The following SUPT3H variants were observed in gnomAD, a reference collection of about 807,000 sequenced individuals.
SUPT3H encodes the protein SPT3 homolog, SAGA and STAGA complex component.
In SUPT3H, 44 loss-of-function variants were observed where a neutral mutation model predicts 44.3. The ratio of observed to expected loss-of-function variants is 0.99; its 90% CI spans 0.78 to 1.28. The LOEUF (loss-of-function observed/expected upper bound fraction) is 1.28. SUPT3H is among the 50% of genes most tolerant of loss of function. The probability of loss-of-function intolerance (pLI) is 0.00; values close to 1 mark genes in which losing one functional copy is unlikely to be tolerated. For synonymous variants in SUPT3H, 124 were observed against 125.6 expected, an observed-to-expected ratio of 0.99 and a Z score of 0.09; for missense variants, 380 against 387.1, an observed-to-expected ratio of 0.98 and a Z score of 0.15.
chr6:45,284,587 T>C (rs1350534927), intron 2 of SUPT3H, among the ~76,000 whole-genome samples: 1 of 152,048 alleles, frequency 6.6e-6, no homozygotes, highest in Non-Finnish European at 1.5e-5. Flanking sequence ...GGCTCTGAAA[T>C]AGAGGCAATA....
chr6:45,003,876 T>C, intron 5 of SUPT3H, 84 bp from the exon 6 acceptor site: 5 of 1,405,790 alleles, frequency 3.6e-6, no homozygotes, highest in Non-Finnish European at 3.8e-6. Flanking sequence ...TTAAATATAG[T>C]ATACCAAATT....
chr6:44,932,812 A>T (rs758115784), intron 9 of SUPT3H, 49 bp from the exon 10 acceptor site: 1 of 1,250,780 alleles, frequency 8.0e-7, no homozygotes, highest in Non-Finnish European at 1.1e-6. Flanking sequence ...AACACGCAAC[A>T]GAACTACAGT....
At chr6:45,205,956 A>G (rs1483949484) in intron 2 of SUPT3H, among the ~76,000 whole-genome samples, 1 of 152,170 alleles carries the variant, frequency 6.6e-6, no homozygotes, top group African/African-American at 2.4e-5. Context: ...TTAAAATTCA[A>G]CAATTATGAG....
chr6:45,181,410 T>C (rs1331994468), intron 2 of SUPT3H, among the ~76,000 whole-genome samples: 1 of 151,982 alleles, frequency 6.6e-6, no homozygotes. Context: ...TAAAGACACA[T>C]GCACACATAT....
At chr6:45,343,494 C>G (rs2150145615) in intron 2 of SUPT3H, among the ~76,000 whole-genome samples, 2 of 152,248 alleles carry the variant, frequency 1.3e-5, no homozygotes, top group South Asian at 4.1e-4. Flanking sequence ...CTTTTCAAAC[C>G]TGAATAGAAT....
At chr6:45,200,592 G>C (rs1318464568) in intron 2 of SUPT3H, among the ~76,000 whole-genome samples, 2 of 151,284 alleles carry the variant, frequency 1.3e-5, no homozygotes, top group African/African-American at 2.4e-5. Context: ...TTACATTTTT[G>C]AACCTTCTTA....
rs540233793 is a variant in SUPT3H at position 45,283,736 on chromosome 6, A to C, written c.101+81465T>G. Among the ~76,000 whole-genome samples the C allele has an allele frequency of 2.4e-3, 359 of 151,622 alleles. 2 individuals carry two copies. Among genetic ancestry groups the C allele is most frequent in the Admixed American group, 4.7e-3 (72 of 15,162 alleles). On this transcript the variant is annotated intron_variant, in intron 2 of 10. Coordinates refer to ENST00000371459, the MANE Select transcript of SUPT3H (RefSeq NM_003599.4). ...GAACTCAGCTTTTCACCAAACAGAC[A>C]TAATAGACATCTACAGAACTCTCCA...
intron 2 of SUPT3H, among the ~76,000 whole-genome samples, chr6:45,125,309 AATT>A (rs1285249896): frequency 1.3e-5 from 2 of 152,224 alleles, no homozygotes; most frequent in Non-Finnish European, 2.9e-5. Context: ...ATAAACCATG[AATT>A]ATAATTGTCA....
chr6:44,830,152 G>C (rs894682732), intron 10 of SUPT3H, among the ~76,000 whole-genome samples: 2 of 152,254 alleles, frequency 1.3e-5, no homozygotes, highest in South Asian at 4.1e-4. Context: ...GAGATGTATT[G>C]AATCTGTTTG....
At chr6:45,055,657 A>G (rs896880541) in intron 3 of SUPT3H, among the ~76,000 whole-genome samples, 1 of 152,182 alleles carries the variant, frequency 6.6e-6, no homozygotes, top group Admixed American at 6.5e-5. Context: ...CTCTTACCTT[A>G]TACAAAAATC....
chr6:45,282,369 A>C (rs1168142009), intron 2 of SUPT3H, among the ~76,000 whole-genome samples: 2 of 152,164 alleles, frequency 1.3e-5, no homozygotes, highest in Non-Finnish European at 2.9e-5. Flanking sequence ...AACTAGAATA[A>C]CCAATGCAGA....
intron 10 of SUPT3H, among the ~76,000 whole-genome samples, chr6:44,918,803 G>A (rs868291590): frequency 2.6e-5 from 4 of 152,152 alleles, no homozygotes; most frequent in Non-Finnish European, 5.9e-5. Flanking sequence ...TGGTGCTAAC[G>A]AAATCCACAG....
intron 2 of SUPT3H, among the ~76,000 whole-genome samples, chr6:45,352,031 C>G (rs1792162147): frequency 1.3e-5 from 2 of 152,160 alleles, no homozygotes; most frequent in Admixed American, 1.3e-4. Flanking sequence ...CAAATCTTTG[C>G]CATCCCAACC....
chr6:45,165,633 T>A (rs796450025), intron 2 of SUPT3H, among the ~76,000 whole-genome samples: 2 of 152,054 alleles, frequency 1.3e-5, no homozygotes, highest in South Asian at 2.1e-4. Flanking sequence ...GAAGAAGGAT[T>A]GCAAATGAGA....
intron 10 of SUPT3H, among the ~76,000 whole-genome samples, chr6:44,906,481 T>C (rs1766100011): frequency 6.6e-6 from 1 of 152,152 alleles, no homozygotes; most frequent in South Asian, 2.1e-4. Flanking sequence ...ACAAAAGCAG[T>C]GGCTGGGCGC....
intron 2 of SUPT3H, among the ~76,000 whole-genome samples, chr6:45,253,883 A>G (rs1440606616): frequency 7.0e-6 from 1 of 141,974 alleles, no homozygotes; most frequent in African/African-American, 2.6e-5. Flanking sequence ...ACACACACAC[A>G]GTACATATAT....
intron 9 of SUPT3H, among the ~76,000 whole-genome samples, chr6:44,935,779 C>T (rs1243051010): frequency 1.3e-5 from 2 of 152,198 alleles, no homozygotes; most frequent in Non-Finnish European, 2.9e-5. Context: ...TGCCGGTTTA[C>T]AATGAACAAA....
chr6:45,096,652 G>A (rs1583512793), intron 3 of SUPT3H, among the ~76,000 whole-genome samples: 1 of 152,096 alleles, frequency 6.6e-6, no homozygotes, highest in Non-Finnish European at 1.5e-5. Flanking sequence ...TCTAAATGTA[G>A]TTTATTGCCA....
rs562499429 is a variant in SUPT3H at position 45,014,961 on chromosome 6, T to C, written c.274-70A>G. 46 of 879,602 alleles carry C rather than the reference T, an allele frequency of 5.2e-5. No individual in the cohort carries two copies. The Admixed American group carries it at 1.7e-3, about 32-fold the overall frequency. The allele number at this position is 879,602 out of a possible 1,614,324, so 54.5% of individuals were successfully genotyped here. ...ATTCACTTTACTGATTAAAGACTAC[T>C]ATAACCAAATTTAATAAACTTGTAC... is the stretch of plus-strand genomic sequence containing the variant. On this transcript the variant is annotated intron_variant, in intron 4 of 10. Coordinates refer to ENST00000371459, the MANE Select transcript of SUPT3H (RefSeq NM_003599.4).
Sources: allele counts gnomAD v4.1 joint callset (sites outside exome capture counted in the v4.1 genomes callset), GRCh38; gene constraint gnomAD v4.1.1; transcripts MANE v1.5; gene names NCBI Gene and HGNC (gene_info 2026-07-23, HGNC 2026-07-21).